Variants in PECAM1 observed in about 807,000 individuals in gnomAD.
PECAM1 encodes the protein platelet and endothelial cell adhesion molecule 1.
In PECAM1, 8 loss-of-function variants were observed where a neutral mutation model predicts 13.8. The observed-to-expected ratio is 0.58, with a 90% CI of 0.34 to 1.05. PECAM1 has a LOEUF of 1.05. Among genes scored for constraint, PECAM1 ranks in the 50% least tolerant of loss-of-function variants. PECAM1 has a pLI of 0.03. For missense variants in PECAM1, 304 were observed against 141.2 expected, an observed-to-expected ratio of 2.15 and a Z score of -5.84; for synonymous variants, 136 against 52.6, an observed-to-expected ratio of 2.58 and a Z score of -6.86.
chr17:64,382,986 G>A (rs2036515309), intron 2 of PECAM1, among the ~76,000 whole-genome samples: 2 of 152,146 alleles, frequency 1.3e-5, no homozygotes, highest in African/African-American at 4.8e-5. Flanking sequence ...ATTGCAGTGA[G>A]CCGAGATTGC....
chr17:64,346,579 A>G (rs2035575514), intron 13 of PECAM1, among the ~76,000 whole-genome samples: 1 of 152,144 alleles, frequency 6.6e-6, no homozygotes, highest in Admixed American at 6.5e-5. Context: ...CAAGTGATCC[A>G]CCTGCCTTGG....
chr17:64,362,594 G>A (rs1439409319), intron 6 of PECAM1, among the ~76,000 whole-genome samples: 1 of 152,062 alleles, frequency 6.6e-6, no homozygotes, highest in Non-Finnish European at 1.5e-5. Flanking sequence ...GGAGCTTGCA[G>A]TGAGCCCAGA....
chr17:64,357,281 T>C (rs2035867505), intron 7 of PECAM1, among the ~76,000 whole-genome samples: 1 of 152,182 alleles, frequency 6.6e-6, no homozygotes, highest in African/African-American at 2.4e-5. Context: ...CACGCTGAGC[T>C]TCTGTCTCTG....
At chr17:64,371,046 T>A (rs1391501023) in intron 4 of PECAM1, among the ~76,000 whole-genome samples, 2 of 152,220 alleles carry the variant, frequency 1.3e-5, no homozygotes, top group Non-Finnish European at 2.9e-5. Flanking sequence ...TTTTAGGTCT[T>A]CTGGGGAACC....
intron 2 of PECAM1, among the ~76,000 whole-genome samples, chr17:64,386,342 T>A (rs2036592307): frequency 6.7e-6 from 1 of 150,082 alleles, no homozygotes; most frequent in South Asian, 2.1e-4. Context: ...GAGGTGAAGG[T>A]TGCAGTGAGC....
chr17:64,354,219 G>T (rs972320463), intron 9 of PECAM1, among the ~76,000 whole-genome samples: 4 of 152,052 alleles, frequency 2.6e-5, no homozygotes, highest in Admixed American at 6.6e-5. Context: ...TGGAATTACA[G>T]GTGTGAGCCA....
At chr17:64,383,599 C>A (rs1477439342) in intron 2 of PECAM1, among the ~76,000 whole-genome samples, 1 of 152,206 alleles carries the variant, frequency 6.6e-6, no homozygotes, top group South Asian at 2.1e-4. Flanking sequence ...TTCTGCACTC[C>A]ACAACTCTTC....
Position 64,323,342 on chromosome 17 carries a change from A to G in PECAM1, c.*474T>C. On this transcript the variant is annotated 3_prime_UTR_variant, in exon 16 of 16. Transcript: ENST00000563924. ...TCAGCACTGTGTATTTCCAAAGAAC[A>G]AGGACTAGCCAAAACTACAAGCCTT... 1 of 1,071,980 alleles carries G rather than the reference A, an allele frequency of 9.3e-7. No individual in the cohort carries two copies. The highest frequency in any genetic ancestry group is 1.1e-6 in the Non-Finnish European group (1 of 882,684). 66.4% of individuals were successfully genotyped at this position (1,071,980 alleles called of 1,614,324 possible). A position where few individuals can be genotyped will look rare whatever the true frequency, so the allele number is the denominator to read the frequency against.
At chr17:64,344,821 C>T (rs2143747297) in intron 13 of PECAM1, among the ~76,000 whole-genome samples, 1 of 152,196 alleles carries the variant, frequency 6.6e-6, no homozygotes, top group African/African-American at 2.4e-5. Context: ...ATTGAATTCC[C>T]AAAAAGCTCT....
rs972096264 is a variant in PECAM1, at chr17:64,322,709, A to G, written c.*1107T>C. 6 of 964,008 alleles carry G rather than the reference A, an allele frequency of 6.2e-6. No individual in the cohort carries two copies. The South Asian group carries it at 2.0e-4, about 32-fold the overall frequency. 59.7% of individuals were successfully genotyped at this position (964,008 alleles called of 1,614,324 possible). A position where few individuals can be genotyped will look rare whatever the true frequency, so the allele number is the denominator to read the frequency against. Reference sequence around the variant, plus strand: ...ACCTCAGGAGACCACTTCTTTAGCAAGCAATTTTGTTTTTTGTTTTTTTTG... The same window carrying G: ...ACCTCAGGAGACCACTTCTTTAGCAGGCAATTTTGTTTTTTGTTTTTTTTG... On this transcript the variant is annotated 3_prime_UTR_variant, in exon 16 of 16. Coordinates refer to ENST00000563924, the MANE Select transcript of PECAM1 (RefSeq NM_000442.5).
intron 14 of PECAM1, among the ~76,000 whole-genome samples, chr17:64,340,173 C>T (rs1670045743): frequency 6.6e-6 from 1 of 152,102 alleles, no homozygotes; most frequent in Non-Finnish European, 1.5e-5. Context: ...CAAAACAAAA[C>T]ACAAACAGTG....
In PECAM1 at chr17:64,349,742, G is replaced by A. The variant is rs200935303; in HGVS notation, c.2044+638C>T. Among the ~76,000 whole-genome samples, 19 of 151,986 alleles carry A rather than the reference G, an allele frequency of 1.3e-4. No individual in the cohort carries two copies. In the South Asian group the frequency reaches 3.5e-3, roughly 28 times the overall value. ...TCTAGTAAAAATACAAAAATTAGCCGGGCGTGGTGGCAGGCGCCTGTAGTC... is the reference window on the plus strand; with the variant it reads ...TCTAGTAAAAATACAAAAATTAGCCAGGCGTGGTGGCAGGCGCCTGTAGTC... On this transcript the variant is annotated intron_variant, in intron 12 of 15. Transcript: ENST00000563924.
rs2034824519 is a variant in PECAM1, at chr17:64,322,252, G to A, written c.*1564C>T. 2.6e-6 allele frequency: 1 copy of A among 377,650 alleles called. No homozygotes were observed. Among genetic ancestry groups the A allele is most frequent in the Admixed American group, 6.3e-5 (1 of 15,782 alleles). 23.4% of individuals were successfully genotyped at this position (377,650 alleles called of 1,614,324 possible). A position where few individuals can be genotyped will look rare whatever the true frequency, so the allele number is the denominator to read the frequency against. On this transcript the variant is annotated 3_prime_UTR_variant, in exon 16 of 16. Transcript: ENST00000563924. The stretch of plus-strand genomic sequence containing the variant: ...AATACAAAAATTAGCCAGGCGTGGT[G>A]ACATGTGCCTGTAATCCCAGCTACT...
At position 64,323,752 on chromosome 17, in the gene PECAM1, A is replaced by G. The variant is rs1258938257; in HGVS notation, c.*64T>C. On this transcript the variant is annotated 3_prime_UTR_variant, in exon 16 of 16. Transcript: ENST00000563924. The stretch of plus-strand genomic sequence containing the variant: ...TAAGTGCACAGAGGTCTTGAAATAC[A>G]GGGATTATCTGTTCTTCTCGGAACA... 12 of 1,273,984 alleles carry G rather than the reference A, an allele frequency of 9.4e-6. No homozygotes were observed. Among genetic ancestry groups the G allele is most frequent in the Non-Finnish European group, 1.3e-5 (11 of 871,044 alleles). The allele number at this position is 1,273,984 out of a possible 1,614,324, so 78.9% of individuals were successfully genotyped here.
rs2034844849 is a variant in PECAM1 at position 64,323,005 on chromosome 17, C to T, written c.*811G>A. ...TACAGGCGTGAGCCACCTTGCCTGCCCTGGCAAGGAATACATTTTTAAAAA... is the reference window on the plus strand; with the variant it reads ...TACAGGCGTGAGCCACCTTGCCTGCTCTGGCAAGGAATACATTTTTAAAAA... On this transcript the variant is annotated 3_prime_UTR_variant, in exon 16 of 16. Coordinates refer to ENST00000563924, the MANE Select transcript of PECAM1 (RefSeq NM_000442.5). The T allele has an allele frequency of 3.1e-6, 3 of 976,520 alleles. No homozygotes were observed. The highest frequency in any genetic ancestry group is 1.2e-6 in the Non-Finnish European group (1 of 821,882). 60.5% of individuals were successfully genotyped at this position (976,520 alleles called of 1,614,324 possible).
intron 5 of PECAM1, among the ~76,000 whole-genome samples, chr17:64,366,300 C>T (rs1446029574): frequency 2.0e-5 from 3 of 151,950 alleles, no homozygotes; most frequent in South Asian, 2.1e-4. Flanking sequence ...GTTAGAATGG[C>T]GATCATTAAA....
chr17:64,348,446 C>CTA (rs2035636268), intron 12 of PECAM1, 124 bp from the exon 13 acceptor site: 1 of 344,282 alleles, frequency 2.9e-6, no homozygotes. Context: ...CTCACTCTTT[C>CTA]ACCCAGGCTG....
At position 64,329,722 on chromosome 17, in the gene PECAM1, T is replaced by G. The variant is rs368999530; in HGVS notation, c.2165A>C (p.Asp722Ala). The change falls in exon 15 of 16, where the codon GAT becomes GCT. Residue 722 changes from aspartate to alanine, a missense_variant and splice_region_variant. Asp to Ala is a moderately radical substitution (Grantham distance 126). Transcript: ENST00000563924. ...VYSEVRKAVP[D>A]AVESRYSRTE... ...TACAGAGTATCTGCTTTCCACGGCA[T>G]CTACAAAACAAAGGATGACATGGCA... 34 of 769,544 alleles carry G rather than the reference T, an allele frequency of 4.4e-5. No individual in the cohort carries two copies. The highest frequency in any genetic ancestry group is 2.3e-4 in the Middle Eastern group (1 of 4,426). The allele number at this position is 769,544 out of a possible 1,614,324, so 47.7% of individuals were successfully genotyped here.
chr17:64,342,453 C>T (rs1164169530), intron 13 of PECAM1, among the ~76,000 whole-genome samples: 2 of 152,208 alleles, frequency 1.3e-5, no homozygotes, highest in Non-Finnish European at 2.9e-5. Flanking sequence ...GAACGAGATC[C>T]TGAGGTCTGG....
Sources: gnomAD v4.1 joint callset for allele counts (sites outside exome capture counted in the v4.1 genomes callset) on GRCh38, gnomAD v4.1.1 for gene constraint, MANE v1.5 for transcripts, NCBI Gene and HGNC (gene_info 2026-07-23, HGNC 2026-07-21) for gene names.